Variants in ADGRL2 observed in about 807,000 individuals in gnomAD.
The protein encoded by ADGRL2 is adhesion G protein-coupled receptor L2, also known as calcium-independent alpha-latrotoxin receptor 2.
Under a neutral mutation model 157.4 loss-of-function variants are expected in ADGRL2, and 44 were observed. That is an observed-to-expected ratio of 0.28 (90% CI 0.22 to 0.36). ADGRL2 has a LOEUF of 0.36. ADGRL2 is among the 10% of genes least tolerant of loss of function. The probability of loss-of-function intolerance (pLI) is 1.00; values close to 1 mark genes in which losing one functional copy is unlikely to be tolerated. For missense variants in ADGRL2, 1,510 were observed against 1,768.9 expected, an observed-to-expected ratio of 0.85 and a Z score of 2.63; for synonymous variants, 585 against 624.7, an observed-to-expected ratio of 0.94 and a Z score of 0.95.
At chr1:81,718,065 G>A (rs2084174309) in intron 1 of ADGRL2, among the ~76,000 whole-genome samples, 1 of 152,164 alleles carries the variant, frequency 6.6e-6, no homozygotes, top group South Asian at 2.1e-4. Context: ...CTGTGGCAAG[G>A]CTCGAGTGCA....
chr1:81,350,161 A>G (rs1662779824), intron 1 of ADGRL2, among the ~76,000 whole-genome samples: 1 of 152,190 alleles, frequency 6.6e-6, no homozygotes, highest in African/African-American at 2.4e-5. Flanking sequence ...TTTAGGGAAT[A>G]AAACAAAAAA....
intron 2 of ADGRL2, among the ~76,000 whole-genome samples, chr1:81,508,610 C>A (rs764924804): frequency 1.3e-5 from 2 of 152,198 alleles, no homozygotes; most frequent in Non-Finnish European, 2.9e-5. Flanking sequence ...TTAAGGATTT[C>A]AAGGTAGTGA....
At chr1:81,966,685 G>A in intron 13 of ADGRL2, 76 bp downstream of exon 13, 1 of 1,280,482 alleles carries the variant, frequency 7.8e-7, no homozygotes, top group Non-Finnish European at 1.1e-6. Flanking sequence ...TGAGGTGCTG[G>A]GGATGGGGAG....
At chr1:81,819,358 G>T (rs1334852393) in intron 1 of ADGRL2, among the ~76,000 whole-genome samples, 1 of 152,118 alleles carries the variant, frequency 6.6e-6, no homozygotes, top group Non-Finnish European at 1.5e-5. Context: ...TTTAGTGGAA[G>T]GGAGAAGGAA....
At chr1:81,768,218 A>G (rs2086211645) in intron 2 of ADGRL2, among the ~76,000 whole-genome samples, 3 of 151,848 alleles carry the variant, frequency 2.0e-5, no homozygotes, top group Admixed American at 2.0e-4. Context: ...GTTAATTCTT[A>G]AAATTTTTTG....
chr1:81,810,866 A>G (rs569830058), intron 1 of ADGRL2, among the ~76,000 whole-genome samples: 1 of 152,022 alleles, frequency 6.6e-6, no homozygotes, highest in African/African-American at 2.4e-5. Context: ...TGTCCTAGAC[A>G]TGTTCACTTT....
At chr1:81,799,828 A>G (rs771073049), upstream of ADGRL2, among the ~76,000 whole-genome samples, 1 of 152,206 alleles carries the variant, frequency 6.6e-6, no homozygotes, top group Non-Finnish European at 1.5e-5. Flanking sequence ...TCATTAGTAG[A>G]ATCAGTGGTT....
chr1:81,577,844 T>C (rs2080827064), intron 2 of ADGRL2, among the ~76,000 whole-genome samples: 1 of 152,206 alleles, frequency 6.6e-6, no homozygotes, highest in Non-Finnish European at 1.5e-5. Context: ...AAATGTGCTA[T>C]ACAAAAATTT....
At chr1:81,857,218 CCT>C (rs1291655614) in intron 2 of ADGRL2, among the ~76,000 whole-genome samples, 1 of 152,032 alleles carries the variant, frequency 6.6e-6, no homozygotes, top group Non-Finnish European at 1.5e-5. Flanking sequence ...CCCAGGTATG[CCT>C]GACACAGAAT....
intron 1 of ADGRL2, among the ~76,000 whole-genome samples, chr1:81,437,025 C>T (rs1321886817): frequency 6.6e-6 from 1 of 152,108 alleles, no homozygotes; most frequent in East Asian, 1.9e-4. Flanking sequence ...AAACATTTAC[C>T]TTTTTCTTTC....
At chr1:81,714,753 T>G (rs761520447) in intron 1 of ADGRL2, among the ~76,000 whole-genome samples, 1 of 152,156 alleles carries the variant, frequency 6.6e-6, no homozygotes, top group East Asian at 1.9e-4. Context: ...TAGCTCCTAT[T>G]TCAGAAATAA....
intron 2 of ADGRL2, among the ~76,000 whole-genome samples, chr1:81,785,218 A>G (rs2086987673): frequency 6.6e-6 from 1 of 152,150 alleles, no homozygotes; most frequent in Non-Finnish European, 1.5e-5. Flanking sequence ...TATTTAATAA[A>G]GTGGTAGGCA....
chr1:81,784,502 TG>T (rs1260259533), intron 2 of ADGRL2, among the ~76,000 whole-genome samples: 2 of 152,096 alleles, frequency 1.3e-5, no homozygotes, highest in African/African-American at 4.8e-5. Flanking sequence ...CCAAGGTAGA[TG>T]GATCACTTGA....
intron 2 of ADGRL2, among the ~76,000 whole-genome samples, chr1:81,558,694 G>A (rs1184347722): frequency 6.6e-6 from 1 of 151,828 alleles, no homozygotes; most frequent in African/African-American, 2.4e-5. Flanking sequence ...ATACAATAAA[G>A]TGTTTATAAT....
intron 3 of ADGRL2, among the ~76,000 whole-genome samples, chr1:81,649,612 T>G (rs7524214): frequency 2.0e-5 from 3 of 152,118 alleles, no homozygotes; most frequent in Non-Finnish European, 2.9e-5. Context: ...TTAAAAGAGG[T>G]CTACAAGAAA....
intron 1 of ADGRL2, among the ~76,000 whole-genome samples, chr1:81,728,146 T>C (rs993784988): frequency 1.3e-5 from 2 of 152,200 alleles, no homozygotes; most frequent in Admixed American, 6.5e-5. Flanking sequence ...TGGTATCTCA[T>C]TATGGCTTTT....
intron 2 of ADGRL2, among the ~76,000 whole-genome samples, chr1:81,881,774 C>G (rs536757243): frequency 6.6e-6 from 1 of 152,190 alleles, no homozygotes; most frequent in African/African-American, 2.4e-5. Context: ...GATGTTTCAT[C>G]TGTTTCTTTG....
At position 81,869,177 on chromosome 1, in the gene ADGRL2, G is replaced by A. The variant is rs1014908859; in HGVS notation, c.73+32120G>A. Among the ~76,000 whole-genome samples, 4 of 152,178 alleles carry A rather than the reference G, an allele frequency of 2.6e-5. No homozygotes were observed. In the East Asian group the frequency reaches 7.7e-4, roughly 29 times the overall value. ...TGGTGTTGTTGACTGAGATAGAAGAGGACCAAATTATTGTTAAGATATACT... is the reference window on the plus strand; with the variant it reads ...TGGTGTTGTTGACTGAGATAGAAGAAGACCAAATTATTGTTAAGATATACT... On this transcript the variant is annotated intron_variant, in intron 2 of 23. Transcript: ENST00000686636.
chr1:81,573,610 G>A (rs906503806), intron 2 of ADGRL2, among the ~76,000 whole-genome samples: 4 of 152,158 alleles, frequency 2.6e-5, no homozygotes, highest in Admixed American at 1.3e-4. Context: ...GCTGTCCCCT[G>A]TTGGCACAGA....
Sources: gnomAD v4.1 joint callset for allele counts (sites outside exome capture counted in the v4.1 genomes callset) on GRCh38, gnomAD v4.1.1 for gene constraint, MANE v1.5 for transcripts, NCBI Gene and HGNC (gene_info 2026-07-23, HGNC 2026-07-21) for gene names.